Variants in COL5A1 observed in about 807,000 individuals in gnomAD.
COL5A1 encodes collagen alpha-1(V) chain.
In COL5A1, 16 loss-of-function variants were observed where a neutral mutation model predicts 263.7. The observed-to-expected ratio is 0.06, with a 90% CI of 0.04 to 0.09. The LOEUF is 0.09. COL5A1 is among the 10% of genes least tolerant of loss of function. The pLI is 1.00. For synonymous variants in COL5A1, 1,012 were observed against 1,004.5 expected (o/e 1.01, Z -0.14); for missense variants, 2,036 against 2,540.5 (o/e 0.80, Z 4.27).
intron 41 of COL5A1, among the ~76,000 whole-genome samples, chr9:134,805,613 C>T (rs538746145): frequency 5.3e-4 from 81 of 152,278 alleles, no homozygotes; most frequent in African/African-American, 1.6e-3. Context: ...AGGCTGCCCA[C>T]GGCGGGGGCC....
At chr9:134,743,448 T>C (rs1363911497) in intron 11 of COL5A1, among the ~76,000 whole-genome samples, 2 of 152,202 alleles carry the variant, frequency 1.3e-5, no homozygotes, top group Non-Finnish European at 2.9e-5. Flanking sequence ...TTGGGTAAAG[T>C]AGCGATCTGC....
At chr9:134,773,002 A>C (rs139222481) in intron 26 of COL5A1, among the ~76,000 whole-genome samples, 168 bp downstream of exon 26, 89 of 152,198 alleles carry the variant, frequency 5.8e-4, no homozygotes, top group African/African-American at 2.1e-3. Flanking sequence ...GGGGGGACAC[A>C]GGCCTTTTCC....
At chr9:134,817,185 A>T (rs942741188) in intron 53 of COL5A1, 106 bp downstream of exon 53, 4 of 1,005,106 alleles carry the variant, frequency 4.0e-6, no homozygotes, top group Non-Finnish European at 4.7e-6. Flanking sequence ...AGCTGCACTG[A>T]TGAGGAAGGG....
At chr9:134,792,816 T>C (rs1837750591) in intron 32 of COL5A1, among the ~76,000 whole-genome samples, 1 of 130,106 alleles carries the variant, frequency 7.7e-6, no homozygotes, top group Non-Finnish European at 1.7e-5. Flanking sequence ...TGCATGTGTG[T>C]GCATGTGTGT....
chr9:134,829,922 A>T, intron 63 of COL5A1, 54 bp from the exon 64 acceptor site: 2 of 1,570,090 alleles, frequency 1.3e-6, no homozygotes, highest in South Asian at 2.3e-5. Context: ...AGGCCGGAGA[A>T]GTAACCCTTT....
At position 134,842,277 on chromosome 9, in the gene COL5A1, G is replaced by A. The variant is rs1461781478; in HGVS notation, c.5491G>A (p.Val1831Met). 1.2e-6 allele frequency: 2 copies of A among 1,614,112 alleles called. No homozygotes were observed. The highest frequency in any genetic ancestry group is 1.7e-6 in the Non-Finnish European group (2 of 1,180,042). Residue 1831 changes from valine (V) to methionine (M), a missense_variant, in exon 66 of 66, where the codon GTG (valine) becomes ATG (methionine). Val to Met is a conservative substitution (Grantham distance 21). Transcript: ENST00000371817. This position sits in a 1 kb window ranked among gnomAD's most constrained non-coding sequence, Gnocchi z 5.8. ...AGCGTCACAGAAATTTGGATTTGAAGTGGGGCCGGCTTGCTTCATGGGCTA... is the reference window on the plus strand; with the variant it reads ...AGCGTCACAGAAATTTGGATTTGAAATGGGGCCGGCTTGCTTCATGGGCTA... ...GEASQKFGFE[V>M]GPACFMG
chr9:134,651,783 T>G (rs1038031394), intron 1 of COL5A1, among the ~76,000 whole-genome samples: 1 of 152,202 alleles, frequency 6.6e-6, no homozygotes, highest in Non-Finnish European at 1.5e-5. Context: ...TTTTCTCGGG[T>G]CCTCTGCCTT....
intron 1 of COL5A1, among the ~76,000 whole-genome samples, chr9:134,666,288 C>T (rs1832353158): frequency 6.6e-6 from 1 of 152,196 alleles, no homozygotes; most frequent in Non-Finnish European, 1.5e-5. Context: ...CTGGTACCTA[C>T]CTCTCCTGGT....
chr9:134,810,519 AC>A (rs1208397728), intron 44 of COL5A1: 1 of 577,866 alleles, frequency 1.7e-6, no homozygotes, highest in Non-Finnish European at 3.1e-6. Flanking sequence ...GTTAGAATGA[AC>A]AGGAAGCATC....
chr9:134,808,608 A>C (rs929565168), intron 42 of COL5A1, among the ~76,000 whole-genome samples: 1 of 151,916 alleles, frequency 6.6e-6, no homozygotes, highest in South Asian at 2.1e-4. Flanking sequence ...TGCACATGCG[A>C]GTATGCTTGT....
At position 134,789,345 on chromosome 9, in the gene COL5A1, G is replaced by A. The variant is rs1837590277; in HGVS notation, c.2700+137G>A. ...TGCTCTCCTGAATGGCTGGCCTTAAGCTCTTGAACTTCAGCACCACGTGTT... is the reference window on the plus strand; with the variant it reads ...TGCTCTCCTGAATGGCTGGCCTTAAACTCTTGAACTTCAGCACCACGTGTT... On this transcript the variant is annotated intron_variant, in intron 32 of 65. Transcript: ENST00000371817. The surrounding 1 kb of genome is among the most constrained non-coding windows in gnomAD (Gnocchi z 4.8). 11 of 747,338 alleles carry A rather than the reference G, an allele frequency of 1.5e-5. No individual in the cohort carries two copies. Among genetic ancestry groups the A allele is most frequent in the Non-Finnish European group, 2.3e-6 (1 of 432,892 alleles). 46.3% of individuals were successfully genotyped at this position (747,338 alleles called of 1,614,324 possible). A position where few individuals can be genotyped will look rare whatever the true frequency, so the allele number is the denominator to read the frequency against.
At chr9:134,773,247 T>G (rs1031420645) in intron 26 of COL5A1, among the ~76,000 whole-genome samples, 1 of 152,164 alleles carries the variant, frequency 6.6e-6, no homozygotes, top group Non-Finnish European at 1.5e-5. Flanking sequence ...GATGGAGTCT[T>G]TCTATGGATG....
chr9:134,664,784 G>A (rs1008716305), intron 1 of COL5A1, among the ~76,000 whole-genome samples: 4 of 152,182 alleles, frequency 2.6e-5, no homozygotes, highest in African/African-American at 7.2e-5. Context: ...GTACTTGGCC[G>A]GGCATGGTGG....
At chr9:134,698,957 C>G (rs4401947) in intron 2 of COL5A1, among the ~76,000 whole-genome samples, 42,253 of 152,186 alleles carry the variant, frequency 0.28, 6,089 homozygotes, top group African/African-American at 0.36. Context: ...TTGACACCCT[C>G]CTGGGACACC....
intron 9 of COL5A1, among the ~76,000 whole-genome samples, chr9:134,734,438 T>A (rs1240813287): frequency 1.3e-5 from 2 of 152,220 alleles, no homozygotes; most frequent in Non-Finnish European, 2.9e-5. Context: ...CATAAACAGT[T>A]GGAATTTCTC....
chr9:134,756,482 C>T (rs932281028), intron 16 of COL5A1, among the ~76,000 whole-genome samples: 2 of 152,234 alleles, frequency 1.3e-5, no homozygotes, highest in Non-Finnish European at 2.9e-5. Flanking sequence ...GGCGTCTTCT[C>T]GAAGCCCAGG....
rs184714059 is a variant in COL5A1 at position 134,682,879 on chromosome 9, G to T, written c.110-8033G>T. On this transcript the variant is annotated intron_variant, in intron 1 of 65. Coordinates refer to ENST00000371817, the MANE Select transcript of COL5A1 (RefSeq NM_000093.5). The surrounding 1 kb of genome is among the most constrained non-coding windows in gnomAD (Gnocchi z 5.1). ...TGCGGCCAGCACATCATCCGGTGGGGACAGACAGCCTGGGCTTCAAAGGCA... is the reference window on the plus strand; with the variant it reads ...TGCGGCCAGCACATCATCCGGTGGGTACAGACAGCCTGGGCTTCAAAGGCA... Among the ~76,000 whole-genome samples, 628 of 152,290 alleles carry T rather than the reference G, an allele frequency of 4.1e-3. 3 individuals are homozygous for T. The highest frequency in any genetic ancestry group is 5.1e-3 in the Non-Finnish European group (346 of 68,020).
intron 1 of COL5A1, among the ~76,000 whole-genome samples, chr9:134,654,548 T>A (rs975522536): frequency 1.4e-4 from 3 of 22,172 alleles, no homozygotes; most frequent in African/African-American, 1.9e-4. Flanking sequence ...TAGGGCTGGG[T>A]GTGTGTAGGG....
chr9:134,839,681 C>A (rs1806879977), intron 65 of COL5A1, among the ~76,000 whole-genome samples: 1 of 152,192 alleles, frequency 6.6e-6, no homozygotes, highest in Non-Finnish European at 1.5e-5. Context: ...GGCCAGGGAG[C>A]AGAGGCCGGA....
Sources: gnomAD v4.1 joint callset for allele counts (sites outside exome capture counted in the v4.1 genomes callset) on GRCh38, gnomAD v4.1.1 for gene constraint, Gnocchi (gnomAD v3.1) non-coding constraint, MANE v1.5 for transcripts, NCBI Gene and HGNC (gene_info 2026-07-23, HGNC 2026-07-21) for gene names.